EIPR1: variants seen among roughly 807,000 people sequenced by gnomAD.
EIPR1 encodes the protein EARP and GARP complex-interacting protein 1.
Under a neutral mutation model 48.1 loss-of-function variants are expected in EIPR1, and 25 were observed. The ratio of observed to expected loss-of-function variants is 0.52; its 90% CI spans 0.38 to 0.73. EIPR1 has a LOEUF of 0.73. EIPR1 is among the 30% of genes least tolerant of loss of function. EIPR1 has a pLI of 0.00. For missense variants in EIPR1, 415 were observed against 506.2 expected, an observed-to-expected ratio of 0.82 and a Z score of 1.73; for synonymous variants, 204 against 201.9, an observed-to-expected ratio of 1.01 and a Z score of -0.09.
chr2:3,324,024 C>A (rs531322327), intron 3 of EIPR1, among the ~76,000 whole-genome samples: 3 of 152,274 alleles, frequency 2.0e-5, no homozygotes, highest in East Asian at 1.9e-4. Flanking sequence ...AAAACAATGA[C>A]GGGACAGAAC....
intron 4 of EIPR1, among the ~76,000 whole-genome samples, chr2:3,239,072 C>T (rs1489143371): frequency 1.3e-5 from 2 of 152,180 alleles, no homozygotes; most frequent in Non-Finnish European, 2.9e-5. Flanking sequence ...TGAGGTGCCA[C>T]GGCCAAGGAT....
intron 3 of EIPR1, among the ~76,000 whole-genome samples, chr2:3,285,751 G>A (rs1299104719): frequency 3.8e-5 from 1 of 26,272 alleles, no homozygotes; most frequent in Non-Finnish European, 7.2e-5. Context: ...CGGGACCCTC[G>A]CACGGAGCAG....
intron 3 of EIPR1, among the ~76,000 whole-genome samples, chr2:3,294,426 A>C (rs1279048111): frequency 3.5e-5 from 4 of 115,922 alleles, no homozygotes; most frequent in Non-Finnish European, 5.1e-5. Context: ...ACACACACAC[A>C]CCCTCCATCC....
At chr2:3,218,610 A>G (rs11127388) in intron 4 of EIPR1, among the ~76,000 whole-genome samples, 112,733 of 118,466 alleles carry the variant, frequency 0.95, 54,119 homozygotes, top group Non-Finnish European at 0.98. Context: ...GCCCTGATAC[A>G]CTCTAGAGCT....
At chr2:3,263,654 G>C (rs577518721) in intron 3 of EIPR1, among the ~76,000 whole-genome samples, 1 of 151,240 alleles carries the variant, frequency 6.6e-6, no homozygotes, top group African/African-American at 2.4e-5. Context: ...CTCCCCAGGA[G>C]GTGGCACGGT....
At chr2:3,210,416 T>A (rs1223849761) in intron 5 of EIPR1, among the ~76,000 whole-genome samples, 4 of 152,128 alleles carry the variant, frequency 2.6e-5, no homozygotes, top group Non-Finnish European at 5.9e-5. Context: ...GAGTGAGGCC[T>A]GTCCTAGTCT....
intron 4 of EIPR1, among the ~76,000 whole-genome samples, chr2:3,239,130 C>T (rs1010102212): frequency 6.6e-6 from 1 of 152,208 alleles, no homozygotes; most frequent in Admixed American, 6.5e-5. Flanking sequence ...AGACCCCACC[C>T]GGCCACTGGG....
At chr2:3,235,254 G>A (rs1318250139) in intron 4 of EIPR1, among the ~76,000 whole-genome samples, 2 of 152,204 alleles carry the variant, frequency 1.3e-5, no homozygotes, top group Non-Finnish European at 2.9e-5. Context: ...AGGTGACGCC[G>A]ACATGGAGCC....
intron 3 of EIPR1, among the ~76,000 whole-genome samples, chr2:3,309,226 C>T (rs1669046634): frequency 6.6e-6 from 1 of 152,072 alleles, no homozygotes; most frequent in Non-Finnish European, 1.5e-5. Context: ...GAGATGGCCT[C>T]GATGGAAGTG....
intron 2 of EIPR1, among the ~76,000 whole-genome samples, chr2:3,354,009 C>T (rs980425195): frequency 3.3e-5 from 5 of 152,260 alleles, no homozygotes; most frequent in Admixed American, 6.5e-5. Flanking sequence ...AAGGGGAATC[C>T]GTGTGCTCAA....
At chr2:3,246,344 G>A (rs961000627) in intron 4 of EIPR1, among the ~76,000 whole-genome samples, 1 of 152,318 alleles carries the variant, frequency 6.6e-6, no homozygotes, top group South Asian at 2.1e-4. Flanking sequence ...AATGAAGAGA[G>A]CTGAAGCCAA....
intron 4 of EIPR1, among the ~76,000 whole-genome samples, chr2:3,234,052 A>G (rs1194678952): frequency 6.6e-6 from 1 of 152,224 alleles, no homozygotes; most frequent in Non-Finnish European, 1.5e-5. Flanking sequence ...AGGATCCAAC[A>G]GAACTTTATT....
At chr2:3,249,163 A>G (rs1187733677) in intron 4 of EIPR1, among the ~76,000 whole-genome samples, 1 of 152,200 alleles carries the variant, frequency 6.6e-6, no homozygotes, top group African/African-American at 2.4e-5. Flanking sequence ...GATGAGAAAA[A>G]GTTTGGAATT....
chr2:3,276,298 A>G (rs926614437), intron 3 of EIPR1, among the ~76,000 whole-genome samples: 7 of 152,198 alleles, frequency 4.6e-5, no homozygotes, highest in Non-Finnish European at 1.0e-4. Flanking sequence ...ATTCTGGTGC[A>G]TAAATATTCA....
chr2:3,243,525 G>C (rs1157807949), intron 4 of EIPR1, among the ~76,000 whole-genome samples: 1 of 152,138 alleles, frequency 6.6e-6, no homozygotes, highest in Non-Finnish European at 1.5e-5. Context: ...CAGCTACTCA[G>C]GAGGCTAAGG....
At chr2:3,316,727 T>C (rs1438835286) in intron 3 of EIPR1, among the ~76,000 whole-genome samples, 1 of 152,206 alleles carries the variant, frequency 6.6e-6, no homozygotes, top group Non-Finnish European at 1.5e-5. Flanking sequence ...TAACTTCAAG[T>C]AACAAACCAC....
chr2:3,288,897 CG>C (rs1218130590), intron 3 of EIPR1, among the ~76,000 whole-genome samples: 1 of 152,244 alleles, frequency 6.6e-6, no homozygotes, highest in East Asian at 1.9e-4. Context: ...GCCTCGGCAA[CG>C]CCCACAGGCC....
At chr2:3,347,574 T>A (rs1041233132) in intron 2 of EIPR1, among the ~76,000 whole-genome samples, 1 of 152,194 alleles carries the variant, frequency 6.6e-6, no homozygotes, top group African/African-American at 2.4e-5. Flanking sequence ...TTCTTTCCCG[T>A]CTCGGGTATG....
intron 3 of EIPR1, among the ~76,000 whole-genome samples, chr2:3,324,230 C>G (rs1669622606): frequency 6.6e-6 from 1 of 152,184 alleles, no homozygotes; most frequent in South Asian, 2.1e-4. Flanking sequence ...CAGAGCAGGT[C>G]CCCAGCCCCT....
Sources: allele counts gnomAD v4.1 joint callset (sites outside exome capture counted in the v4.1 genomes callset), GRCh38; gene constraint gnomAD v4.1.1; transcripts MANE v1.5; gene names NCBI Gene and HGNC (gene_info 2026-07-23, HGNC 2026-07-21).